The following TBCE variants were observed in gnomAD, a reference collection of about 807,000 sequenced individuals.
TBCE encodes tubulin-specific chaperone E.
In TBCE, 53 loss-of-function variants were observed where a neutral mutation model predicts 77.0. The ratio of observed to expected loss-of-function variants is 0.69; its 90% CI spans 0.55 to 0.87. The LOEUF (loss-of-function observed/expected upper bound fraction) is 0.87. Among genes scored for constraint, TBCE ranks in the 40% least tolerant of loss-of-function variants. The probability of loss-of-function intolerance (pLI) is 0.00; values close to 1 mark genes in which losing one functional copy is unlikely to be tolerated. For missense variants in TBCE, 624 were observed against 622.4 expected (o/e 1.00, Z -0.03); for synonymous variants, 235 against 241.3 (o/e 0.97, Z 0.24).
intron 6 of TBCE, chr1:235,430,367 T>G (rs1300485251): frequency 1.6e-5 from 4 of 248,762 alleles, no homozygotes; most frequent in Non-Finnish European, 2.4e-5. Flanking sequence ...GACTTTGTTT[T>G]GCAGTATCCA....
At chr1:235,423,081 C>G (rs1680491140) in intron 5 of TBCE, among the ~76,000 whole-genome samples, 1 of 152,122 alleles carries the variant, frequency 6.6e-6, no homozygotes, top group Non-Finnish European at 1.5e-5. Context: ...TGAAGTATTG[C>G]TTTGGGTGCT....
intron 5 of TBCE, among the ~76,000 whole-genome samples, chr1:235,420,577 G>A (rs910829160): frequency 6.6e-6 from 1 of 151,506 alleles, no homozygotes; most frequent in East Asian, 1.9e-4. Context: ...CCGCCTCCCG[G>A]GTTCAAGCAA....
intron 8 of TBCE, 57 bp downstream of exon 8, chr1:235,434,337 TAAATG>T (rs1024650455): frequency 1.4e-6 from 2 of 1,445,402 alleles, no homozygotes; most frequent in African/African-American, 1.4e-5. Flanking sequence ...TCTGAGTAAA[TAAATG>T]GTCTCAATTA....
chr1:235,420,874 C>T (rs1680363831), intron 5 of TBCE, among the ~76,000 whole-genome samples: 1 of 152,212 alleles, frequency 6.6e-6, no homozygotes, highest in African/African-American at 2.4e-5. Flanking sequence ...GATTCCCCTG[C>T]CTCGGCCTCC....
Position 235,435,758 on chromosome 1 carries a change from C to T in TBCE, c.751C>T (p.Leu251Phe). The change falls in exon 9 of 17, where the codon CTC becomes TTC. Residue 251 changes from leucine (L) to phenylalanine (F), a missense_variant. Physicochemically the swap from Leu to Phe is conservative, Grantham distance 22. Transcript: ENST00000642610. ...TTTTCCATACAGGCCAACAGATGTT[C>T]TCCAGACAGTCAAGTTATTAGATCT... The part of the protein sequence containing the change: ...IFISERPTDV[L>F]QTVKLLDLSS... 3 of 1,614,062 alleles carry T rather than the reference C, an allele frequency of 1.9e-6. No homozygotes were observed. The highest frequency in any genetic ancestry group is 2.5e-6 in the Non-Finnish European group (3 of 1,179,944).
chr1:235,398,796 G>A (rs569744695), intron 2 of TBCE, among the ~76,000 whole-genome samples: 116 of 143,060 alleles, frequency 8.1e-4, no homozygotes, highest in African/African-American at 2.1e-3. Context: ...CAAAAGAATC[G>A]CTTGAGCCGG....
At position 235,437,438 on chromosome 1, in the gene TBCE, C is replaced by A; in HGVS notation, c.1080C>A (p.Ala360=). The part of the protein sequence containing the change: ...EAETARLLII[A]SIGQLKTLNK... Reference sequence around the variant, plus strand: ...AGACGGCGCGACTACTCATTATCGCCAGCATTGGCCAGCTGAAGACGCTGA... The same window carrying A: ...AGACGGCGCGACTACTCATTATCGCAAGCATTGGCCAGCTGAAGACGCTGA... The change falls in exon 12 of 17, where the codon GCC becomes GCA. Residue 360 remains alanine, a synonymous_variant. Transcript: ENST00000642610. 1 of 1,614,154 alleles carries A rather than the reference C, an allele frequency of 6.2e-7. No individual in the cohort carries two copies. Among genetic ancestry groups the A allele is most frequent in the Non-Finnish European group, 8.5e-7 (1 of 1,180,028 alleles).
At chr1:235,371,369 T>C (rs1324976071) in intron 1 of TBCE, among the ~76,000 whole-genome samples, 3 of 151,206 alleles carry the variant, frequency 2.0e-5, no homozygotes, top group Non-Finnish European at 4.4e-5. Context: ...CTTGTCTTTT[T>C]TTTTTTCCCT....
chr1:235,377,809 C>T (rs1282054496), intron 1 of TBCE, among the ~76,000 whole-genome samples: 2 of 151,926 alleles, frequency 1.3e-5, no homozygotes, highest in Non-Finnish European at 2.9e-5. Context: ...CGCGCCACCA[C>T]GCCTGGCTAG....
chr1:235,409,551 T>C (rs868720376), intron 3 of TBCE, among the ~76,000 whole-genome samples: 1 of 152,074 alleles, frequency 6.6e-6, no homozygotes, highest in Non-Finnish European at 1.5e-5. Flanking sequence ...CCAGAAAATA[T>C]TGATCTTTAG....
chr1:235,434,392 T>G, intron 8 of TBCE, 112 bp downstream of exon 8: 1 of 951,426 alleles, frequency 1.1e-6, no homozygotes, highest in Non-Finnish European at 1.7e-6. Flanking sequence ...CAAACAAGAA[T>G]TAGGAAAAAT....
chr1:235,443,548 T>C (rs532239820), intron 15 of TBCE, among the ~76,000 whole-genome samples: 38 of 152,306 alleles, frequency 2.5e-4, no homozygotes, highest in Non-Finnish European at 4.1e-4. Context: ...TTGAATGGCA[T>C]AGCCTTTTGG....
At chr1:235,430,916 TC>T in intron 7 of TBCE, 112 bp downstream of exon 7, 1 of 876,306 alleles carries the variant, frequency 1.1e-6, no homozygotes, top group Non-Finnish European at 1.8e-6. Flanking sequence ...ATTTAAATCA[TC>T]CCAGTATCTA....
Position 235,435,656 on chromosome 1 carries a change from A to G in TBCE, c.738-89A>G, listed in dbSNP as rs563876557. 8.6e-4 allele frequency: 1,099 copies of G among 1,280,012 alleles called. 11 individuals are homozygous for G. The African/African-American group carries it at 0.014, about 16-fold the overall frequency. The allele number at this position is 1,280,012 out of a possible 1,614,324, so 79.3% of individuals were successfully genotyped here. ...ACTTGCTTCTTATCCCCAGCCCTCC[A>G]TCGCACCAAATGCAGGGATTTTAAG... On this transcript the variant is annotated intron_variant, in intron 8 of 16. Coordinates refer to ENST00000642610, the MANE Select transcript of TBCE (RefSeq NM_003193.5).
chr1:235,405,439 C>T (rs540822100), intron 3 of TBCE, among the ~76,000 whole-genome samples: 1 of 151,602 alleles, frequency 6.6e-6, no homozygotes, highest in African/African-American at 2.4e-5. Context: ...AGTTCGGGAC[C>T]ACCCTGGCCA....
chr1:235,418,504 G>A (rs2102889988), intron 4 of TBCE: 1 of 152,362 alleles, frequency 6.6e-6, no homozygotes, highest in Non-Finnish European at 1.5e-5. Flanking sequence ...ATGGCTGCCG[G>A]AAGTATCTGG....
In TBCE at chr1:235,448,706, A is replaced by AAGTC. The variant is rs761424380; in HGVS notation, c.1530_1533dup (p.Leu512ValfsTer22). 2 of 1,614,058 alleles carry AAGTC rather than the reference A, an allele frequency of 1.2e-6. No individual in the cohort carries two copies. The highest frequency in any genetic ancestry group is 4.5e-5 in the East Asian group (2 of 44,884). Reference sequence around the variant, plus strand: ...AGAAATCGAGCTGGAAAATGACCTAAAGTCATTACAGTTTTATTCTGTGGA... The same window carrying AAGTC: ...AGAAATCGAGCTGGAAAATGACCTAAAGTCAGTCATTACAGTTTTATTCTGTGGA... On this transcript the variant is annotated frameshift_variant, in exon 17 of 17. Coordinates refer to ENST00000642610, the MANE Select transcript of TBCE (RefSeq NM_003193.5). LOFTEE classifies it high-confidence loss of function.
intron 1 of TBCE, among the ~76,000 whole-genome samples, chr1:235,375,753 T>C (rs1253450327): frequency 1.3e-5 from 2 of 151,924 alleles, no homozygotes; most frequent in Non-Finnish European, 2.9e-5. Context: ...TCAAAAATAC[T>C]GACTTGAGGC....
intron 13 of TBCE, among the ~76,000 whole-genome samples, chr1:235,439,290 G>T (rs1010154917): frequency 1.3e-5 from 2 of 149,524 alleles, no homozygotes; most frequent in Admixed American, 6.7e-5. Context: ...AGGAGATCGA[G>T]ACCATCCTAG....
Sources: gnomAD v4.1 joint callset for allele counts (sites outside exome capture counted in the v4.1 genomes callset) on GRCh38, gnomAD v4.1.1 for gene constraint, MANE v1.5 for transcripts, NCBI Gene and HGNC (gene_info 2026-07-23, HGNC 2026-07-21) for gene names.